Variants in SLC41A2 observed in about 807,000 individuals in gnomAD.
The protein encoded by SLC41A2 is SLC41A1-like 1.
A neutral mutation model predicts 58.3 loss-of-function variants in SLC41A2; 32 were observed. That is an observed-to-expected ratio of 0.55 (90% confidence interval 0.41 to 0.74). SLC41A2 has a LOEUF of 0.74. Among genes scored for constraint, SLC41A2 ranks in the 30% least tolerant of loss-of-function variants. The pLI is 0.00. For missense variants in SLC41A2, 514 were observed against 680.6 expected (o/e 0.76, Z 2.72); for synonymous variants, 190 against 235.0 (o/e 0.81, Z 1.75).
chr12:104,825,006 C>T (rs1202844964), intron 10 of SLC41A2, among the ~76,000 whole-genome samples: 1 of 143,470 alleles, frequency 7.0e-6, no homozygotes, highest in Non-Finnish European at 1.6e-5. Context: ...CCTAACTGGG[C>T]CAGTCAAAAC....
chr12:104,923,089 G>A (rs768797613), intron 2 of SLC41A2, among the ~76,000 whole-genome samples: 58 of 151,194 alleles, frequency 3.8e-4, no homozygotes, highest in Non-Finnish European at 1.5e-4. Flanking sequence ...GAGGCCGGGC[G>A]CGGTGGCTCA....
intron 3 of SLC41A2, among the ~76,000 whole-genome samples, chr12:104,902,405 A>G (rs2045609134): frequency 6.6e-6 from 1 of 152,200 alleles, no homozygotes; most frequent in Non-Finnish European, 1.5e-5. Flanking sequence ...TAATAAACTG[A>G]TAGGAAATAC....
chr12:104,900,580 A>G (rs902115700), intron 3 of SLC41A2, among the ~76,000 whole-genome samples: 2 of 152,200 alleles, frequency 1.3e-5, no homozygotes, highest in Non-Finnish European at 2.9e-5. Context: ...CTAGTTGACT[A>G]TAACAGTTTT....
intron 4 of SLC41A2, among the ~76,000 whole-genome samples, chr12:104,893,300 T>A (rs2045108623): frequency 6.6e-6 from 1 of 152,082 alleles, no homozygotes; most frequent in Non-Finnish European, 1.5e-5. Context: ...AAAACTACAA[T>A]GAGATATCAT....
chr12:104,823,926 C>CA (rs2041739374), intron 10 of SLC41A2, among the ~76,000 whole-genome samples: 1 of 152,174 alleles, frequency 6.6e-6, no homozygotes, highest in Non-Finnish European at 1.5e-5. Context: ...TTGTCACACA[C>CA]AAAAAAATAA....
intron 2 of SLC41A2, among the ~76,000 whole-genome samples, chr12:104,926,442 G>T (rs912411757): frequency 7.2e-5 from 11 of 151,908 alleles, no homozygotes; most frequent in African/African-American, 2.7e-4. Flanking sequence ...ACAAAAATTA[G>T]CCAGGCATGG....
chr12:104,877,931 C>T (rs954777770), intron 6 of SLC41A2, among the ~76,000 whole-genome samples: 5 of 151,972 alleles, frequency 3.3e-5, no homozygotes, highest in African/African-American at 9.7e-5. Flanking sequence ...ATCACTTGAA[C>T]CCCGGAGGCA....
At chr12:104,861,248 C>G (rs111463634) in intron 8 of SLC41A2, 43 bp downstream of exon 8, 3 of 1,415,360 alleles carry the variant, frequency 2.1e-6, no homozygotes, top group Non-Finnish European at 3.0e-6. Flanking sequence ...TAAGAGGATA[C>G]GAAGATTTGA....
intron 2 of SLC41A2, among the ~76,000 whole-genome samples, chr12:104,910,607 G>A (rs2046042001): frequency 6.6e-6 from 1 of 152,090 alleles, no homozygotes; most frequent in African/African-American, 2.4e-5. Flanking sequence ...TGGGAAGGGG[G>A]CGGGTCAGAC....
chr12:104,825,073 C>T (rs2041790063), intron 10 of SLC41A2, among the ~76,000 whole-genome samples: 1 of 152,136 alleles, frequency 6.6e-6, no homozygotes, highest in Non-Finnish European at 1.5e-5. Flanking sequence ...TGGCTCTTAT[C>T]TCTTTCTTTA....
chr12:104,923,715 A>G (rs1264376117), intron 2 of SLC41A2, among the ~76,000 whole-genome samples: 1 of 152,184 alleles, frequency 6.6e-6, no homozygotes, highest in Non-Finnish European at 1.5e-5. Context: ...ATTGGAAAAC[A>G]TGCAACAAGG....
rs2040722428 is a variant in SLC41A2, at chr12:104,801,872, G to A, written c.*3280C>T. On this transcript the variant is annotated 3_prime_UTR_variant, in exon 11 of 11. Coordinates refer to ENST00000258538, the MANE Select transcript of SLC41A2 (RefSeq NM_001352171.3). ...ACATAAATTACCCCAGTCTCTTCTG[G>A]GAGATTTCCACACTGGCTTGATGTT... Among the ~76,000 whole-genome samples the A allele has an allele frequency of 6.6e-6, 1 of 152,074 alleles. No homozygotes were observed. The highest frequency in any genetic ancestry group is 2.4e-5 in the African/African-American group (1 of 41,410).
chr12:104,872,715 C>T (rs938614404), intron 6 of SLC41A2, among the ~76,000 whole-genome samples: 17 of 151,926 alleles, frequency 1.1e-4, no homozygotes, highest in African/African-American at 3.6e-4. Flanking sequence ...GGGCGACAGT[C>T]GAGCAAGACT....
At chr12:104,856,659 G>A (rs2043030439) in intron 8 of SLC41A2, among the ~76,000 whole-genome samples, 1 of 152,162 alleles carries the variant, frequency 6.6e-6, no homozygotes, top group African/African-American at 2.4e-5. Context: ...GGCTCCCATT[G>A]GAATTGTAAT....
At position 104,802,066 on chromosome 12, in the gene SLC41A2, C is replaced by G. The variant is rs2040726042; in HGVS notation, c.*3086G>C. Among the ~76,000 whole-genome samples, 1 of 152,006 alleles carries G rather than the reference C, an allele frequency of 6.6e-6. No homozygotes were observed. On this transcript the variant is annotated 3_prime_UTR_variant, in exon 11 of 11. Transcript: ENST00000258538. The stretch of plus-strand genomic sequence containing the variant: ...CCCAATTACTGATTTTTTTGAATGG[C>G]CTTTATTTGGCTATATCATTGATAG...
chr12:104,957,625 G>A (rs770158213), intron 1 of SLC41A2, among the ~76,000 whole-genome samples: 1 of 152,212 alleles, frequency 6.6e-6, no homozygotes, highest in Non-Finnish European at 1.5e-5. Context: ...CTCTGTAAAT[G>A]AGCATTTGGG....
At chr12:104,915,314 A>T (rs1484957961) in intron 2 of SLC41A2, among the ~76,000 whole-genome samples, 4 of 152,194 alleles carry the variant, frequency 2.6e-5, no homozygotes, top group Non-Finnish European at 5.9e-5. Flanking sequence ...ATATGGAAAA[A>T]ATTTTTATTG....
intron 8 of SLC41A2, among the ~76,000 whole-genome samples, chr12:104,860,779 A>C (rs1191857953): frequency 6.6e-6 from 1 of 151,664 alleles, no homozygotes; most frequent in Non-Finnish European, 1.5e-5. Context: ...GGGTCTCACT[A>C]TGTTGCCCTG....
chr12:104,832,486 T>C (rs773668532), intron 10 of SLC41A2, among the ~76,000 whole-genome samples: 2 of 152,158 alleles, frequency 1.3e-5, no homozygotes, highest in African/African-American at 2.4e-5. Flanking sequence ...GGACAGTCAA[T>C]TGGACAATTT....
Sources: allele counts gnomAD v4.1 joint callset (sites outside exome capture counted in the v4.1 genomes callset), GRCh38; gene constraint gnomAD v4.1.1; transcripts MANE v1.5; gene names NCBI Gene and HGNC (gene_info 2026-07-23, HGNC 2026-07-21).